Variants in LRP1B observed in about 807,000 individuals in gnomAD.
LRP1B encodes the protein low-density lipoprotein receptor-related protein 1B.
LRP1B carries 217 observed loss-of-function variants against 556.6 expected under a neutral mutation model. The observed-to-expected ratio is 0.39, with a 90% CI of 0.35 to 0.44. LRP1B has a LOEUF of 0.44. Among genes scored for constraint, LRP1B ranks in the 20% least tolerant of loss-of-function variants. The pLI is 1.00. For synonymous variants in LRP1B, 2,047 were observed against 1,865.8 expected (o/e 1.10, Z -2.50); for missense variants, 5,053 against 5,620.8 (o/e 0.90, Z 3.23).
intron 75 of LRP1B, among the ~76,000 whole-genome samples, chr2:140,354,928 CAA>C (rs1682141765): frequency 6.6e-6 from 1 of 151,932 alleles, no homozygotes; most frequent in East Asian, 1.9e-4. Context: ...AGGGCACAAA[CAA>C]ATTTAAATTT....
intron 3 of LRP1B, among the ~76,000 whole-genome samples, chr2:141,272,019 G>A (rs1054414468): frequency 2.6e-5 from 4 of 151,936 alleles, no homozygotes; most frequent in African/African-American, 9.7e-5. Context: ...AAACAATGAA[G>A]AGAATCAGAA....
intron 42 of LRP1B, among the ~76,000 whole-genome samples, chr2:140,599,840 G>A (rs567210246): frequency 6.6e-6 from 1 of 152,084 alleles, no homozygotes; most frequent in East Asian, 1.9e-4. Flanking sequence ...AGTAATTAAA[G>A]TTTTCACAAA....
intron 30 of LRP1B, 142 bp downstream of exon 30, chr2:140,840,776 T>C (rs1426494633): frequency 1.8e-6 from 1 of 561,180 alleles, no homozygotes; most frequent in African/African-American, 1.9e-5. Flanking sequence ...GGAATCTCTT[T>C]TACAGTTTCC....
intron 3 of LRP1B, among the ~76,000 whole-genome samples, chr2:141,303,736 C>A (rs1436974498): frequency 6.6e-6 from 1 of 152,134 alleles, no homozygotes; most frequent in Admixed American, 6.5e-5. Flanking sequence ...TACAGAGATG[C>A]AGGTATCCCT....
intron 90 of LRP1B, among the ~76,000 whole-genome samples, chr2:140,233,913 G>A (rs1233774698): frequency 6.6e-6 from 1 of 151,290 alleles, no homozygotes; most frequent in East Asian, 2.0e-4. Flanking sequence ...GATGTACACA[G>A]TCATCTTAAG....
chr2:141,442,662 G>A (rs965824629), intron 3 of LRP1B, among the ~76,000 whole-genome samples: 1 of 152,024 alleles, frequency 6.6e-6, no homozygotes, highest in African/African-American at 2.4e-5. Context: ...TCCTACTTAT[G>A]AGTGAGAACA....
chr2:140,891,568 A>C (rs1476175019), intron 23 of LRP1B, among the ~76,000 whole-genome samples: 2 of 152,166 alleles, frequency 1.3e-5, no homozygotes, highest in Non-Finnish European at 2.9e-5. Flanking sequence ...CATCAGATAC[A>C]TTTATTTTAC....
intron 41 of LRP1B, among the ~76,000 whole-genome samples, chr2:140,666,786 T>C (rs1685291887): frequency 1.3e-5 from 2 of 152,192 alleles, no homozygotes; most frequent in Non-Finnish European, 2.9e-5. Flanking sequence ...GATAAGTATC[T>C]TGAAAAGAAA....
intron 3 of LRP1B, among the ~76,000 whole-genome samples, chr2:141,346,099 T>A (rs1234781280): frequency 1.3e-5 from 2 of 152,090 alleles, no homozygotes; most frequent in Admixed American, 6.6e-5. Context: ...ATAGTTTTTT[T>A]AAGTTTTATT....
chr2:141,749,001 T>A (rs1694008908), intron 2 of LRP1B, among the ~76,000 whole-genome samples: 1 of 152,212 alleles, frequency 6.6e-6, no homozygotes, highest in Non-Finnish European at 1.5e-5. Context: ...ATCTTCAGAC[T>A]TAATTTTATT....
intron 41 of LRP1B, among the ~76,000 whole-genome samples, chr2:140,694,923 T>C (rs1345636103): frequency 6.6e-6 from 1 of 152,092 alleles, no homozygotes; most frequent in Non-Finnish European, 1.5e-5. Flanking sequence ...GTTTTAATTT[T>C]AACAAATTTT....
intron 31 of LRP1B, among the ~76,000 whole-genome samples, chr2:140,822,030 A>T (rs1397153201): frequency 6.6e-6 from 1 of 152,042 alleles, no homozygotes. Context: ...AATAAAGGGG[A>T]AACATCAAAG....
Position 141,059,052 on chromosome 2 carries a change from A to C in LRP1B, c.1239T>G (p.Val413=), listed in dbSNP as rs1525579. The change falls in exon 9 of 91, where the codon GTT becomes GTG. Residue 413 remains valine, a splice_region_variant and synonymous_variant. Transcript: ENST00000389484. ...ACACAGTTATACCATAAAGATGTCT[A>C]ACCTATAAAGAGGGCAAAACATAAC... is the stretch of plus-strand genomic sequence containing the variant. ...NRHTVIQGRQ[V]RHLYGITVFE... The C allele has an allele frequency of 6.6e-7, 1 of 1,522,488 alleles. No homozygotes were observed. The highest frequency in any genetic ancestry group is 8.8e-7 in the Non-Finnish European group (1 of 1,132,666). The allele number at this position is 1,522,488 out of a possible 1,614,324, so 94.3% of individuals were successfully genotyped here. A position where few individuals can be genotyped will look rare whatever the true frequency, so the allele number is the denominator to read the frequency against.
At chr2:141,464,203 T>C (rs903746292) in intron 3 of LRP1B, among the ~76,000 whole-genome samples, 1 of 152,076 alleles carries the variant, frequency 6.6e-6, no homozygotes, top group South Asian at 2.1e-4. Flanking sequence ...GCTGTGAGTT[T>C]ACCCTTGCTA....
chr2:140,476,027 G>A (rs1687959780), intron 59 of LRP1B, among the ~76,000 whole-genome samples: 2 of 151,844 alleles, frequency 1.3e-5, no homozygotes, highest in Non-Finnish European at 2.9e-5. Context: ...AGTTCCAAAA[G>A]TGGGGAAAAA....
At position 140,533,416 on chromosome 2, in the gene LRP1B, A is replaced by G. The variant is rs150921462; in HGVS notation, c.7762+605T>C. 3.3e-3 allele frequency among the ~76,000 whole-genome samples: 509 copies of G among 152,274 alleles called. 4 individuals carry two copies. Among genetic ancestry groups the G allele is most frequent in the African/African-American group, 0.012 (497 of 41,576 alleles). On this transcript the variant is annotated intron_variant, in intron 47 of 90. Transcript: ENST00000389484. ...TTGGGGCAGCAGTTCTAACTCAGGT[A>G]GTTTGGCTTCATCATCTATCCTAAT...
At chr2:140,339,400 T>C (rs760189587) in intron 77 of LRP1B, among the ~76,000 whole-genome samples, 1 of 151,762 alleles carries the variant, frequency 6.6e-6, no homozygotes, top group Non-Finnish European at 1.5e-5. Context: ...GCAATATACT[T>C]TAAGAAAATT....
chr2:140,752,155 A>G (rs893008309), intron 35 of LRP1B, among the ~76,000 whole-genome samples: 1 of 151,952 alleles, frequency 6.6e-6, no homozygotes. Context: ...TCTCTACTAA[A>G]AATACAAAAA....
chr2:140,413,142 T>C (rs1685035610), intron 66 of LRP1B, among the ~76,000 whole-genome samples: 1 of 152,158 alleles, frequency 6.6e-6, no homozygotes, highest in African/African-American at 2.4e-5. Flanking sequence ...TCCACTATTT[T>C]AGCTTTAAAG....
Sources: allele counts gnomAD v4.1 joint callset (sites outside exome capture counted in the v4.1 genomes callset), GRCh38; gene constraint gnomAD v4.1.1; transcripts MANE v1.5; gene names NCBI Gene and HGNC (gene_info 2026-07-23, HGNC 2026-07-21).